Variants in DYTN observed in about 807,000 individuals in gnomAD.
The protein encoded by DYTN is dystrotelin.
DYTN carries 75 observed loss-of-function variants against 69.6 expected under a neutral mutation model. The observed-to-expected ratio is 1.08, with a 90% CI of 0.89 to 1.31. The LOEUF (loss-of-function observed/expected upper bound fraction) is 1.31, where lower values mean the gene tolerates loss of function less well. Ranked by LOEUF, DYTN falls within the 50% of genes most tolerant of loss-of-function variation. DYTN has a pLI of 0.00. For synonymous variants in DYTN, 252 were observed against 249.1 expected (o/e 1.01, Z -0.11); for missense variants, 726 against 688.4 (o/e 1.05, Z -0.61).
intron 5 of DYTN, among the ~76,000 whole-genome samples, chr2:206,701,858 A>T (rs1699980755): frequency 6.6e-6 from 1 of 152,210 alleles, no homozygotes; most frequent in Admixed American, 6.5e-5. Context: ...GTTAATCTTT[A>T]TGCAGTGTAT....
chr2:206,677,858 C>T (rs565082387), intron 9 of DYTN, among the ~76,000 whole-genome samples: 6 of 151,930 alleles, frequency 3.9e-5, no homozygotes, highest in African/African-American at 9.7e-5. Context: ...GGGCGTGATG[C>T]GGGCACCTGG....
chr2:206,689,122 A>G (rs774840236), intron 9 of DYTN, among the ~76,000 whole-genome samples: 16 of 152,202 alleles, frequency 1.1e-4, no homozygotes, highest in Admixed American at 2.6e-4. Flanking sequence ...GAAATATTTA[A>G]TAAGAGTGAT....
rs750007876 is a variant in DYTN at position 206,662,984 on chromosome 2, T to C, written c.1552A>G (p.Arg518Gly). 6.8e-6 allele frequency: 11 copies of C among 1,613,712 alleles called. No individual in the cohort carries two copies. In the Admixed American group the frequency reaches 1.8e-4, roughly 27 times the overall value. ...EKKEAGNIKE[R>G]KDELEEEELQ... ...TCCTCTTCCTCCAGCTCATCCTTTC[T>C]CTCCTTGATGTTACCTGCCTCTTTC... The change falls in exon 11 of 12, where the codon AGA becomes GGA. Residue 518 changes from arginine (R) to glycine (G), a missense_variant. Coordinates refer to ENST00000452335, the MANE Select transcript of DYTN (RefSeq NM_001093730.1).
chr2:206,663,310 G>A lies in DYTN; in HGVS notation c.1226C>T (p.Pro409Leu), dbSNP rs1699533741. 2 of 1,613,900 alleles carry A rather than the reference G, an allele frequency of 1.2e-6. No homozygotes were observed. The highest frequency in any genetic ancestry group is 3.3e-5 in the Admixed American group (2 of 59,994). The change falls in exon 11 of 12, where the codon CCA (proline) becomes CTA (leucine). Residue 409 changes from proline to leucine, a missense_variant. By Grantham distance (98) the Pro-to-Leu change is moderately conservative (BLOSUM62 -3). Transcript: ENST00000452335. ...GATCTGCAAATAATCCCCTCCCTTT[G>A]GAACCTTTTCAGTTGAAGAATGGTC... is the stretch of plus-strand genomic sequence containing the variant. ...KVDHSSTEKV[P>L]KGGDYLQIKN...
chr2:206,659,098 TGGA>T (rs1699478785), intron 11 of DYTN, among the ~76,000 whole-genome samples: 34 of 151,724 alleles, frequency 2.2e-4, no homozygotes, highest in Admixed American at 2.2e-3. Context: ...AATCCAAGTT[TGGA>T]ATTTAAAGAG....
At chr2:206,705,624 T>C (rs1444098960) in intron 4 of DYTN, among the ~76,000 whole-genome samples, 164 bp downstream of exon 4, 1 of 152,224 alleles carries the variant, frequency 6.6e-6, no homozygotes, top group African/African-American at 2.4e-5. Context: ...AGTGTAAATT[T>C]TGAAAAATTC....
chr2:206,701,113 G>A (rs1002069677), intron 5 of DYTN: 1 of 152,190 alleles, frequency 6.6e-6, no homozygotes, highest in Admixed American at 6.5e-5. Flanking sequence ...AGTAGATCAA[G>A]AAGTTCAATC....
intron 10 of DYTN, 98 bp downstream of exon 10, chr2:206,665,772 G>A: frequency 2.1e-6 from 3 of 1,426,268 alleles, no homozygotes; most frequent in Non-Finnish European, 1.9e-6. Context: ...AAGGGAAGAG[G>A]CTGATCAAAG....
At chr2:206,687,554 A>T (rs1202149721) in intron 9 of DYTN, among the ~76,000 whole-genome samples, 1 of 152,098 alleles carries the variant, frequency 6.6e-6, no homozygotes, top group African/African-American at 2.4e-5. Flanking sequence ...ACATGCTATC[A>T]TATATATCTG....
intron 10 of DYTN, among the ~76,000 whole-genome samples, chr2:206,665,524 A>G (rs181852253): frequency 0.015 from 2,217 of 151,876 alleles, 94 homozygotes; most frequent in Admixed American, 0.095. Flanking sequence ...ATATTGATGC[A>G]AAAAGATATA....
intron 9 of DYTN, among the ~76,000 whole-genome samples, chr2:206,690,044 A>G (rs987190602): frequency 1.3e-5 from 2 of 152,248 alleles, no homozygotes; most frequent in Non-Finnish European, 2.9e-5. Context: ...AAGATATAGG[A>G]TGTCAGAGGG....
chr2:206,705,667 A>C, intron 4 of DYTN, 121 bp downstream of exon 4: 1 of 762,534 alleles, frequency 1.3e-6, no homozygotes, highest in Non-Finnish European at 2.0e-6. Flanking sequence ...TTTTTATTTA[A>C]TAAACACATA....
At chr2:206,672,847 G>A (rs1699644366) in intron 9 of DYTN, among the ~76,000 whole-genome samples, 1 of 152,160 alleles carries the variant, frequency 6.6e-6, no homozygotes, top group African/African-American at 2.4e-5. Context: ...AAAAAACATA[G>A]CATTTCTAAT....
intron 9 of DYTN, among the ~76,000 whole-genome samples, chr2:206,678,182 C>T (rs994247177): frequency 2.0e-5 from 3 of 152,166 alleles, no homozygotes; most frequent in African/African-American, 7.2e-5. Flanking sequence ...GGAAAAAATA[C>T]AGTTGCCTTG....
intron 9 of DYTN, among the ~76,000 whole-genome samples, chr2:206,684,696 T>C (rs2105894807): frequency 6.6e-6 from 1 of 152,318 alleles, no homozygotes; most frequent in Non-Finnish European, 1.5e-5. Flanking sequence ...TCTTCTGTGA[T>C]TGCCTATTTA....
At position 206,699,600 on chromosome 2, in the gene DYTN, G is replaced by T. The variant is rs911077817; in HGVS notation, c.719+127C>A. 10 of 1,168,978 alleles carry T rather than the reference G, an allele frequency of 8.6e-6. No homozygotes were observed. The Admixed American group carries it at 1.7e-4, about 20-fold the overall frequency. The allele number at this position is 1,168,978 out of a possible 1,614,324, so 72.4% of individuals were successfully genotyped here. On this transcript the variant is annotated intron_variant, in intron 7 of 11. Coordinates refer to ENST00000452335, the MANE Select transcript of DYTN (RefSeq NM_001093730.1). Reference sequence around the variant, plus strand: ...GGATGCCTCTTGCCAGGAAATCATTGAGCCAAAAAAGTCAACTGAATTTCA... The same window carrying T: ...GGATGCCTCTTGCCAGGAAATCATTTAGCCAAAAAAGTCAACTGAATTTCA...
intron 1 of DYTN, among the ~76,000 whole-genome samples, chr2:206,716,601 A>T (rs755072297): frequency 6.6e-6 from 1 of 152,126 alleles, no homozygotes; most frequent in Non-Finnish European, 1.5e-5. Context: ...TTCAGATAAG[A>T]TGCCAATGTT....
chr2:206,703,736 T>C (rs1224882296), intron 5 of DYTN, among the ~76,000 whole-genome samples: 1 of 152,170 alleles, frequency 6.6e-6, no homozygotes, highest in Non-Finnish European at 1.5e-5. Flanking sequence ...TGCATGGCTA[T>C]CCTCAGTTCA....
intron 11 of DYTN, among the ~76,000 whole-genome samples, chr2:206,654,751 C>T (rs1699427561): frequency 6.6e-6 from 1 of 152,124 alleles, no homozygotes; most frequent in Admixed American, 6.5e-5. Flanking sequence ...AAGGTGCTCT[C>T]CTGAGCTTGG....
Sources: allele counts gnomAD v4.1 joint callset (sites outside exome capture counted in the v4.1 genomes callset), GRCh38; gene constraint gnomAD v4.1.1; transcripts MANE v1.5; gene names NCBI Gene and HGNC (gene_info 2026-07-23, HGNC 2026-07-21).